The following BBX variants were observed in gnomAD, a reference collection of about 807,000 sequenced individuals.
BBX encodes HMG box transcription factor BBX.
A neutral mutation model predicts 100.2 loss-of-function variants in BBX; 30 were observed. The ratio of observed to expected loss-of-function variants is 0.30; its 90% confidence interval spans 0.22 to 0.41. The LOEUF is 0.41. Among genes scored for constraint, BBX ranks in the 10% least tolerant of loss-of-function variants. The pLI is 1.00. For missense variants in BBX, 1,023 were observed against 1,129.8 expected, an observed-to-expected ratio of 0.91 and a Z score of 1.35; for synonymous variants, 376 against 388.1, an observed-to-expected ratio of 0.97 and a Z score of 0.37.
intron 2 of BBX, among the ~76,000 whole-genome samples, chr3:107,644,562 A>G (rs1440162824): frequency 2.0e-5 from 3 of 152,198 alleles, no homozygotes; most frequent in Non-Finnish European, 4.4e-5. Flanking sequence ...TGCCTATTTT[A>G]TAATAATAGA....
chr3:107,603,694 T>G (rs1257721386), intron 2 of BBX, among the ~76,000 whole-genome samples: 1 of 152,046 alleles, frequency 6.6e-6, no homozygotes, highest in East Asian at 1.9e-4. Context: ...TCATCTTATT[T>G]TAAGAAATTG....
At chr3:107,795,659 A>C (rs62263965) in intron 15 of BBX, among the ~76,000 whole-genome samples, 13,137 of 115,052 alleles carry the variant, frequency 0.11, 886 homozygotes, top group Middle Eastern at 0.25. Context: ...CTTGGTCTGC[A>C]GTCTGATTCA....
chr3:107,533,528 G>A (rs184399735), intron 2 of BBX, among the ~76,000 whole-genome samples: 1 of 152,198 alleles, frequency 6.6e-6, no homozygotes, highest in Admixed American at 6.5e-5. Context: ...GACATCATTT[G>A]TACCATCTAA....
chr3:107,580,894 G>A (rs925758740), intron 2 of BBX, among the ~76,000 whole-genome samples: 1 of 152,238 alleles, frequency 6.6e-6, no homozygotes, highest in South Asian at 2.1e-4. Flanking sequence ...GCCTCCTAAA[G>A]TGCTGGCATT....
At chr3:107,614,037 C>T (rs570404382) in intron 2 of BBX, among the ~76,000 whole-genome samples, 4 of 149,204 alleles carry the variant, frequency 2.7e-5, no homozygotes, top group Middle Eastern at 3.5e-3. Context: ...CTGGAACCTC[C>T]GCCTCCTGGG....
chr3:107,591,424 G>A (rs2107591501), intron 2 of BBX, among the ~76,000 whole-genome samples: 1 of 152,264 alleles, frequency 6.6e-6, no homozygotes, highest in South Asian at 2.1e-4. Flanking sequence ...CTTGGTTTAA[G>A]ATCTATAAAC....
intron 5 of BBX, among the ~76,000 whole-genome samples, chr3:107,723,390 A>G (rs987888218): frequency 6.0e-5 from 9 of 150,812 alleles, no homozygotes; most frequent in African/African-American, 2.2e-4. Context: ...TAATGTTGAG[A>G]CTCCATTTTT....
chr3:107,670,130 G>A (rs2058946375), intron 3 of BBX, among the ~76,000 whole-genome samples: 1 of 151,984 alleles, frequency 6.6e-6, no homozygotes, highest in Non-Finnish European at 1.5e-5. Flanking sequence ...CACAGCATTT[G>A]AGGAAATGCA....
chr3:107,733,774 A>G (rs763904348), intron 7 of BBX, among the ~76,000 whole-genome samples: 6 of 152,154 alleles, frequency 3.9e-5, no homozygotes, highest in African/African-American at 9.7e-5. Context: ...AGCCTGTTTG[A>G]ATCTTTAAAA....
At chr3:107,553,439 A>C (rs1209787930) in intron 2 of BBX, among the ~76,000 whole-genome samples, 1 of 152,216 alleles carries the variant, frequency 6.6e-6, no homozygotes, top group African/African-American at 2.4e-5. Context: ...CCATATTGCT[A>C]CTTTCTCCCG....
intron 3 of BBX, among the ~76,000 whole-genome samples, chr3:107,675,946 G>C (rs10933909): frequency 1.4e-4 from 22 of 152,154 alleles, no homozygotes; most frequent in African/African-American, 4.8e-4. Context: ...TATGACACCA[G>C]AAATAGCAGT....
chr3:107,753,613 C>T (rs972835761), intron 9 of BBX, among the ~76,000 whole-genome samples: 8 of 152,188 alleles, frequency 5.3e-5, no homozygotes, highest in Non-Finnish European at 8.8e-5. Flanking sequence ...ATTCATGAGC[C>T]TCTCAGTGTG....
intron 6 of BBX, among the ~76,000 whole-genome samples, chr3:107,729,713 C>CTA (rs1197426076): frequency 4.6e-5 from 7 of 152,182 alleles, no homozygotes; most frequent in African/African-American, 1.7e-4. Flanking sequence ...TGCAATTGAG[C>CTA]TACAGGGTTC....
At position 107,614,061 on chromosome 3, in the gene BBX, C is replaced by T. The variant is rs368853377; in HGVS notation, c.-83-31775C>T. 1.4e-4 allele frequency among the ~76,000 whole-genome samples: 20 copies of T among 145,224 alleles called. No homozygotes were observed. The East Asian group carries it at 4.3e-3, about 31-fold the overall frequency. ...CCGCCTCCTGGGTTCAAGCGATTCT[C>T]TTGCCTCAGCTTCCTGACTAGCTGG... On this transcript the variant is annotated intron_variant, in intron 2 of 17. Coordinates refer to ENST00000325805, the MANE Select transcript of BBX (RefSeq NM_001142568.3).
intron 2 of BBX, among the ~76,000 whole-genome samples, chr3:107,531,089 CTT>C (rs1438078860): frequency 6.6e-6 from 1 of 152,214 alleles, no homozygotes; most frequent in Non-Finnish European, 1.5e-5. Flanking sequence ...CTCCAATTGA[CTT>C]TGAGAAACCT....
At chr3:107,681,498 G>A (rs2059572440) in intron 3 of BBX, among the ~76,000 whole-genome samples, 1 of 152,082 alleles carries the variant, frequency 6.6e-6, no homozygotes, top group Non-Finnish European at 1.5e-5. Context: ...GTCTGGGAGT[G>A]GGTGTAGGGG....
intron 3 of BBX, 41 bp from the exon 4 acceptor site, chr3:107,710,407 TTCTC>T (rs1576449955): frequency 6.7e-7 from 1 of 1,484,286 alleles, no homozygotes; most frequent in Non-Finnish European, 9.2e-7. Flanking sequence ...GTGTCTCTCT[TTCTC>T]TCCCTGTTTC....
At chr3:107,637,887 T>C (rs866144410) in intron 2 of BBX, among the ~76,000 whole-genome samples, 1 of 152,118 alleles carries the variant, frequency 6.6e-6, no homozygotes, top group Non-Finnish European at 1.5e-5. Context: ...CCTCCTTCCC[T>C]TTACTTTCTT....
intron 7 of BBX, among the ~76,000 whole-genome samples, chr3:107,743,918 G>GTTTTTT (rs34762783): frequency 8.8e-5 from 5 of 56,620 alleles, no homozygotes; most frequent in Non-Finnish European, 1.2e-4. Context: ...TGTTTTAGTG[G>GTTTTTT]TTTTTTTTTT....
Sources: gnomAD v4.1 joint callset for allele counts (sites outside exome capture counted in the v4.1 genomes callset) on GRCh38, gnomAD v4.1.1 for gene constraint, MANE v1.5 for transcripts, NCBI Gene and HGNC (gene_info 2026-07-23, HGNC 2026-07-21) for gene names.